GAS7: variants seen among roughly 807,000 people sequenced by gnomAD.
GAS7 encodes the protein growth arrest-specific protein 7.
In GAS7, 28 loss-of-function variants were observed where a neutral mutation model predicts 71.1. That is an observed-to-expected ratio of 0.39 (90% CI 0.29 to 0.54). The LOEUF (loss-of-function observed/expected upper bound fraction) is 0.54, where lower values mean the gene tolerates loss of function less well. Among genes scored for constraint, GAS7 ranks in the 20% least tolerant of loss-of-function variants. The pLI is 0.62. For synonymous variants in GAS7, 258 were observed against 245.8 expected (o/e 1.05, Z -0.46); for missense variants, 436 against 627.8 (o/e 0.69, Z 3.27).
chr17:10,118,120 G>A (rs771225391), intron 1 of GAS7, among the ~76,000 whole-genome samples: 17 of 152,128 alleles, frequency 1.1e-4, no homozygotes, highest in Non-Finnish European at 1.8e-4. Flanking sequence ...TCTCCAGGGC[G>A]TGGAGACAGC....
Position 9,917,198 on chromosome 17 carries a change from G to C in GAS7, c.*30C>G. 7.7e-7 allele frequency: 1 copy of C among 1,297,770 alleles called. No homozygotes were observed. The highest frequency in any genetic ancestry group is 1.7e-5 in the Admixed American group (1 of 59,518). The allele number at this position is 1,297,770 out of a possible 1,614,324, so 80.4% of individuals were successfully genotyped here. On this transcript the variant is annotated 3_prime_UTR_variant, in exon 14 of 14. Transcript: ENST00000432992. ...GGTGGGAGCCCAGCCCCCCTCCCCA[G>C]CAGGACCCCCCGAAGCTGCACAGGC...
intron 3 of GAS7, among the ~76,000 whole-genome samples, chr17:9,980,912 T>C (rs1306719787): frequency 1.3e-5 from 2 of 152,212 alleles, no homozygotes; most frequent in Non-Finnish European, 2.9e-5. Context: ...TTCTCCCTGC[T>C]GATGGGTCCC....
intron 1 of GAS7, among the ~76,000 whole-genome samples, chr17:10,093,650 C>T (rs1474066505): frequency 2.6e-5 from 4 of 151,898 alleles, no homozygotes; most frequent in Admixed American, 6.6e-5. Context: ...AAAAGCTTCC[C>T]TCCCACCACC....
intron 1 of GAS7, among the ~76,000 whole-genome samples, chr17:10,064,769 T>C (rs1467515278): frequency 6.6e-6 from 1 of 152,158 alleles, no homozygotes; most frequent in Non-Finnish European, 1.5e-5. Flanking sequence ...TTTAAGCCAC[T>C]TGATCAAACC....
intron 6 of GAS7, 111 bp from the exon 7 acceptor site, chr17:9,943,347 C>A: frequency 2.8e-6 from 2 of 706,154 alleles, no homozygotes; most frequent in Non-Finnish European, 5.2e-6. Flanking sequence ...CCCAGTCCAG[C>A]ACAAGACGCG....
intron 2 of GAS7, among the ~76,000 whole-genome samples, chr17:10,018,345 C>G (rs376616517): frequency 6.6e-6 from 1 of 152,128 alleles, no homozygotes; most frequent in Admixed American, 6.5e-5. Flanking sequence ...GGGACAATAA[C>G]GGATCCAAAT....
intron 6 of GAS7, among the ~76,000 whole-genome samples, chr17:9,946,352 A>G (rs2068785905): frequency 6.6e-6 from 1 of 152,204 alleles, no homozygotes; most frequent in Non-Finnish European, 1.5e-5. Context: ...TTGTGCGACC[A>G]TCACCACCAT....
chr17:10,174,563 G>T (rs1386309291), intron 1 of GAS7, among the ~76,000 whole-genome samples: 2 of 151,998 alleles, frequency 1.3e-5, no homozygotes, highest in Non-Finnish European at 2.9e-5. Flanking sequence ...GCAGTGGCGG[G>T]CGCCTGTAGT....
At position 9,959,113 on chromosome 17, in the gene GAS7, G is replaced by C; in HGVS notation, c.525+89C>G. The C allele has an allele frequency of 6.9e-7, 1 of 1,458,906 alleles. No individual in the cohort carries two copies. The highest frequency in any genetic ancestry group is 1.3e-5 in the South Asian group (1 of 77,358). 90.4% of individuals were successfully genotyped at this position (1,458,906 alleles called of 1,614,324 possible). A position where few individuals can be genotyped will look rare whatever the true frequency, so the allele number is the denominator to read the frequency against. On this transcript the variant is annotated intron_variant, in intron 5 of 13. Transcript: ENST00000432992. This position sits in a 1 kb window ranked among gnomAD's most constrained non-coding sequence, Gnocchi z 5.0. Reference sequence around the variant, plus strand: ...CGTTTCCAGGTTGGGCATCACTTCTGCTTGGCGGTCCACATCGCCATGGCA... The same window carrying C: ...CGTTTCCAGGTTGGGCATCACTTCTCCTTGGCGGTCCACATCGCCATGGCA...
Position 9,926,797 on chromosome 17 carries a change from A to G in GAS7, c.886-28T>C. The stretch of plus-strand genomic sequence containing the variant: ...GTTGGGAGAGTAGAGACGCACACTC[A>G]GGACCCAGGGCATCAGCTGTAAGCC... On this transcript the variant is annotated intron_variant, in intron 9 of 13. Coordinates refer to ENST00000432992, the MANE Select transcript of GAS7 (RefSeq NM_201433.2). This position sits in a 1 kb window ranked among gnomAD's most constrained non-coding sequence, Gnocchi z 5.0. 5.0e-6 allele frequency: 8 copies of G among 1,613,526 alleles called. No homozygotes were observed. The highest frequency in any genetic ancestry group is 6.8e-6 in the Non-Finnish European group (8 of 1,179,526).
chr17:10,117,398 C>T (rs1339906036), intron 1 of GAS7, among the ~76,000 whole-genome samples: 1 of 152,192 alleles, frequency 6.6e-6, no homozygotes, highest in Non-Finnish European at 1.5e-5. Context: ...TATTCACAGG[C>T]TCCAGAGATT....
intron 8 of GAS7, among the ~76,000 whole-genome samples, chr17:9,938,190 CT>C (rs2068468513): frequency 6.6e-6 from 1 of 152,052 alleles, no homozygotes; most frequent in Admixed American, 6.6e-5. Flanking sequence ...CAGCCCTGAT[CT>C]GATAGGATTA....
chr17:9,976,298 T>C (rs2070199886), intron 3 of GAS7, among the ~76,000 whole-genome samples: 1 of 152,262 alleles, frequency 6.6e-6, no homozygotes, highest in African/African-American at 2.4e-5. Flanking sequence ...ACACTGGTTC[T>C]AGGGGAACAT....
chr17:9,923,439 G>A lies in GAS7; in HGVS notation c.1138+2037C>T, dbSNP rs919260092. 2.6e-5 allele frequency among the ~76,000 whole-genome samples: 4 copies of A among 152,048 alleles called. No individual in the cohort carries two copies. In the East Asian group the frequency reaches 7.7e-4, roughly 29 times the overall value. ...AAATGACAATCTAGGAAAAATATCT[G>A]CAATTAAAATGAAAAACGATTCATC... On this transcript the variant is annotated intron_variant, in intron 11 of 13. Coordinates refer to ENST00000432992, the MANE Select transcript of GAS7 (RefSeq NM_201433.2).
Position 10,056,742 on chromosome 17 carries a change from G to A in GAS7, c.184-36845C>T, listed in dbSNP as rs577182073. ...AAAATTAGCTCCCTCTCCCTCTCCC[G>A]TCTCCCTCCCCACGATCTCCCTCCC... On this transcript the variant is annotated intron_variant, in intron 1 of 13. Coordinates refer to ENST00000432992, the MANE Select transcript of GAS7 (RefSeq NM_201433.2). Among the ~76,000 whole-genome samples, 14 of 151,382 alleles carry A rather than the reference G, an allele frequency of 9.2e-5. No individual in the cohort carries two copies. In the East Asian group the frequency reaches 2.5e-3, roughly 27 times the overall value.
At chr17:9,960,192 C>CT (rs778589790) in intron 4 of GAS7, among the ~76,000 whole-genome samples, 8,423 of 142,988 alleles carry the variant, frequency 0.059, 313 homozygotes, top group Non-Finnish European at 0.092. Flanking sequence ...TGACCTTATT[C>CT]TTTTTTTTTT....
intron 10 of GAS7, among the ~76,000 whole-genome samples, chr17:9,925,858 C>G (rs888641242): frequency 6.6e-6 from 1 of 152,112 alleles, no homozygotes; most frequent in African/African-American, 2.4e-5. Flanking sequence ...GTTTTTTTCC[C>G]GATGGAGCCT....
rs1010439321 is a variant in GAS7, at chr17:9,916,761, C to T, written c.*467G>A. 13 of 397,738 alleles carry T rather than the reference C, an allele frequency of 3.3e-5. No homozygotes were observed. The highest frequency in any genetic ancestry group is 2.7e-4 in the African/African-American group (13 of 48,740). 24.6% of individuals were successfully genotyped at this position (397,738 alleles called of 1,614,324 possible). A position where few individuals can be genotyped will look rare whatever the true frequency, so the allele number is the denominator to read the frequency against. ...GGGCTGCAAAGGATTCTGGGTGCGG[C>T]TGTGAGCTGAATGGCACCTTCTACC... On this transcript the variant is annotated 3_prime_UTR_variant, in exon 14 of 14. Coordinates refer to ENST00000432992, the MANE Select transcript of GAS7 (RefSeq NM_201433.2).
intron 1 of GAS7, among the ~76,000 whole-genome samples, chr17:10,037,329 T>C (rs2072773139): frequency 6.6e-6 from 1 of 152,228 alleles, no homozygotes; most frequent in Non-Finnish European, 1.5e-5. Context: ...ATATATCCTA[T>C]CACTCCGTTT....
Sources: allele counts gnomAD v4.1 joint callset (sites outside exome capture counted in the v4.1 genomes callset), GRCh38; gene constraint gnomAD v4.1.1; non-coding constraint Gnocchi (gnomAD v3.1); transcripts MANE v1.5; gene names NCBI Gene and HGNC (gene_info 2026-07-23, HGNC 2026-07-21).